The following NLGN1 variants were observed in gnomAD, a reference collection of about 807,000 sequenced individuals.
NLGN1 encodes neuroligin-1.
Under a neutral mutation model 65.5 loss-of-function variants are expected in NLGN1, and 12 were observed. The observed-to-expected ratio is 0.18, with a 90% confidence interval of 0.12 to 0.30. NLGN1 has a LOEUF of 0.30. Ranked by LOEUF, NLGN1 falls within the 10% of genes least tolerant of loss-of-function variation. The pLI is 1.00. For synonymous variants in NLGN1, 350 were observed against 359.5 expected (o/e 0.97, Z 0.30); for missense variants, 750 against 1,007.1 (o/e 0.74, Z 3.46).
chr3:173,992,106 C>T (rs1177070899), intron 4 of NLGN1, among the ~76,000 whole-genome samples: 2 of 151,986 alleles, frequency 1.3e-5, no homozygotes, highest in South Asian at 2.1e-4. Context: ...ATTGGTTTTA[C>T]GTGAAGATCT....
chr3:173,413,431 C>G (rs1338518151), intron 1 of NLGN1, among the ~76,000 whole-genome samples: 1 of 151,928 alleles, frequency 6.6e-6, no homozygotes. Flanking sequence ...GAAACCCCAT[C>G]TCTACTAAAA....
intron 3 of NLGN1, among the ~76,000 whole-genome samples, chr3:173,607,685 C>T (rs540314916): frequency 9.6e-4 from 145 of 151,202 alleles, no homozygotes; most frequent in African/African-American, 3.5e-3. Flanking sequence ...ATTATTAGTC[C>T]CTTTATATCT....
intron 2 of NLGN1, among the ~76,000 whole-genome samples, chr3:173,498,444 A>G (rs1050324101): frequency 1.3e-5 from 2 of 151,774 alleles, no homozygotes; most frequent in East Asian, 1.9e-4. Flanking sequence ...TTCTTAATCC[A>G]GTCTATCATT....
In NLGN1 at chr3:174,038,372, G is replaced by C. The variant is rs569344510; in HGVS notation, c.646+230540G>C. Among the ~76,000 whole-genome samples the C allele has an allele frequency of 6.6e-5, 10 of 152,092 alleles. No individual in the cohort carries two copies. In the South Asian group the frequency reaches 2.1e-3, roughly 32 times the overall value. ...TGTCAGTCATTCCATCTCTTACTTG[G>C]CTCTCAGTTCATGCACCAGATTGAC... On this transcript the variant is annotated intron_variant, in intron 4 of 6. Transcript: ENST00000457714.
chr3:174,142,388 A>C (rs1722457585), intron 4 of NLGN1, among the ~76,000 whole-genome samples: 1 of 152,182 alleles, frequency 6.6e-6, no homozygotes, highest in South Asian at 2.1e-4. Context: ...CAGCTGATGC[A>C]GCTCTGATCC....
At chr3:173,428,589 TTA>T (rs1296767183) in intron 1 of NLGN1, among the ~76,000 whole-genome samples, 2 of 152,054 alleles carry the variant, frequency 1.3e-5, no homozygotes, top group Non-Finnish European at 2.9e-5. Flanking sequence ...GTCTCAATTT[TTA>T]TCTTTATATA....
At chr3:174,199,759 A>C (rs1347462799) in intron 4 of NLGN1, among the ~76,000 whole-genome samples, 1 of 152,234 alleles carries the variant, frequency 6.6e-6, no homozygotes, top group Non-Finnish European at 1.5e-5. Flanking sequence ...GGCATTTATT[A>C]GATGCCTATC....
chr3:173,568,152 CCTTT>C (rs1241277287), intron 2 of NLGN1, among the ~76,000 whole-genome samples: 2 of 151,420 alleles, frequency 1.3e-5, no homozygotes, highest in South Asian at 4.2e-4. Context: ...TTCCTTCCTT[CCTTT>C]CCTTCTTTCT....
chr3:173,812,256 A>G (rs376992503), intron 4 of NLGN1, among the ~76,000 whole-genome samples: 2 of 152,280 alleles, frequency 1.3e-5, no homozygotes, highest in African/African-American at 2.4e-5. Flanking sequence ...TTATAATTCT[A>G]TGTGGGGCTA....
intron 3 of NLGN1, among the ~76,000 whole-genome samples, chr3:173,650,438 C>T (rs538959121): frequency 6.6e-6 from 1 of 152,268 alleles, no homozygotes; most frequent in South Asian, 2.1e-4. Flanking sequence ...ACAGATTTCA[C>T]CACAATGGTT....
At chr3:173,672,337 A>G (rs1762556524) in intron 3 of NLGN1, among the ~76,000 whole-genome samples, 1 of 152,182 alleles carries the variant, frequency 6.6e-6, no homozygotes, top group Admixed American at 6.5e-5. Context: ...TTTTTGATCC[A>G]TACCTGTGAG....
chr3:174,233,236 C>G (rs943433966), intron 4 of NLGN1, among the ~76,000 whole-genome samples: 1 of 152,076 alleles, frequency 6.6e-6, no homozygotes, highest in East Asian at 1.9e-4. Context: ...TATCCCAGCA[C>G]TTTGGGAGCC....
At chr3:173,607,586 C>T (rs143115186) in intron 3 of NLGN1, among the ~76,000 whole-genome samples, 5 of 151,390 alleles carry the variant, frequency 3.3e-5, no homozygotes, top group South Asian at 2.1e-4. Context: ...ATCATTTTTC[C>T]GAACTTTTAC....
exon 7 of NLGN1, chr3:174,284,771 A>G (rs1173699787): frequency 6.6e-6 from 1 of 151,430 alleles, no homozygotes; most frequent in African/African-American, 2.4e-5. Flanking sequence ...TTGCTAAAGC[A>G]TTAAAAATGT....
chr3:173,898,677 T>C (rs892674496), intron 4 of NLGN1, among the ~76,000 whole-genome samples: 8 of 152,192 alleles, frequency 5.3e-5, no homozygotes, highest in Non-Finnish European at 1.5e-5. Context: ...TAGGGACTTA[T>C]TCATTTCTGT....
chr3:174,226,272 G>A (rs1228590774), intron 4 of NLGN1, among the ~76,000 whole-genome samples: 3 of 152,130 alleles, frequency 2.0e-5, no homozygotes, highest in Non-Finnish European at 4.4e-5. Flanking sequence ...GCAAGAGGTA[G>A]ACCATTAGCT....
intron 4 of NLGN1, among the ~76,000 whole-genome samples, chr3:173,908,922 A>G (rs1739002710): frequency 1.3e-5 from 2 of 152,276 alleles, no homozygotes; most frequent in Admixed American, 6.5e-5. Flanking sequence ...TAATTTATCT[A>G]AAGATTGAAA....
At chr3:173,636,642 C>T (rs1756642304) in intron 3 of NLGN1, among the ~76,000 whole-genome samples, 1 of 151,826 alleles carries the variant, frequency 6.6e-6, no homozygotes, top group Non-Finnish European at 1.5e-5. Context: ...TTTGGAATTT[C>T]AAAACATGAT....
chr3:174,092,014 A>T (rs187911499), intron 4 of NLGN1, among the ~76,000 whole-genome samples: 8 of 152,328 alleles, frequency 5.3e-5, no homozygotes, highest in Non-Finnish European at 1.2e-4. Flanking sequence ...CTTTCAACAT[A>T]TAAAGATAAA....
Sources: allele counts gnomAD v4.1 joint callset (sites outside exome capture counted in the v4.1 genomes callset), GRCh38; gene constraint gnomAD v4.1.1; transcripts MANE v1.5; gene names NCBI Gene and HGNC (gene_info 2026-07-23, HGNC 2026-07-21).